SNX29: variants seen among roughly 807,000 people sequenced by gnomAD.
SNX29 encodes sorting nexin 29.
A neutral mutation model predicts 102.1 loss-of-function variants in SNX29; 78 were observed. The ratio of observed to expected loss-of-function variants is 0.76; its 90% CI spans 0.64 to 0.92. The LOEUF is 0.92. Among genes scored for constraint, SNX29 ranks in the 40% least tolerant of loss-of-function variants. SNX29 has a pLI of 0.00. For missense variants in SNX29, 1,280 were observed against 1,061.7 expected, an observed-to-expected ratio of 1.21 and a Z score of -2.86; for synonymous variants, 580 against 414.5, an observed-to-expected ratio of 1.40 and a Z score of -4.85.
intron 14 of SNX29, among the ~76,000 whole-genome samples, 184 bp from the exon 15 acceptor site, chr16:12,277,749 G>T (rs565720202): frequency 6.6e-6 from 1 of 152,040 alleles, no homozygotes; most frequent in African/African-American, 2.4e-5. Context: ...CTTGTCACTC[G>T]TTTTATTGTA....
rs1229348304 is a variant in SNX29, at chr16:12,563,236, CCAT to C, written c.2319-5264_2319-5262del. ...GGCTCATACCCTGAAAGTGGCCTCC[CCAT>C]CATCACTGACCCCGCCCAGGTAGCA... On this transcript the variant is annotated intron_variant, in intron 20 of 20. Coordinates refer to ENST00000566228, the MANE Select transcript of SNX29 (RefSeq NM_032167.5). Among the ~76,000 whole-genome samples the C allele has an allele frequency of 2.0e-4, 30 of 152,130 alleles. 1 individual carries two copies. The highest frequency in any genetic ancestry group is 6.3e-4 in the African/African-American group (26 of 41,418).
intron 18 of SNX29, among the ~76,000 whole-genome samples, chr16:12,458,875 C>G (rs1333674909): frequency 6.6e-6 from 1 of 152,226 alleles, no homozygotes; most frequent in African/African-American, 2.4e-5. Flanking sequence ...ATCAGATTCT[C>G]TGTTGGTCTC....
intron 13 of SNX29, among the ~76,000 whole-genome samples, chr16:12,178,804 G>C (rs956085088): frequency 1.3e-5 from 2 of 152,178 alleles, no homozygotes; most frequent in African/African-American, 4.8e-5. Context: ...GTGTGACTTG[G>C]AAGGAGCATA....
At chr16:12,157,098 A>T (rs1416536268) in intron 13 of SNX29, among the ~76,000 whole-genome samples, 5 of 152,156 alleles carry the variant, frequency 3.3e-5, no homozygotes, top group African/African-American at 7.2e-5. Flanking sequence ...ATTTCTTGAG[A>T]TGGCTGCAGG....
chr16:12,238,692 T>C (rs971820282), intron 14 of SNX29, among the ~76,000 whole-genome samples: 1 of 152,212 alleles, frequency 6.6e-6, no homozygotes, highest in Non-Finnish European at 1.5e-5. Context: ...ATGCCAATAA[T>C]AGTGTTACTG....
At chr16:11,992,525 A>G (rs963269573) in intron 1 of SNX29, among the ~76,000 whole-genome samples, 3 of 149,268 alleles carry the variant, frequency 2.0e-5, no homozygotes, top group African/African-American at 5.0e-5. Context: ...TTCTGTCTCT[A>G]TGAATTTACC....
chr16:12,183,104 A>G (rs113166960), intron 13 of SNX29, among the ~76,000 whole-genome samples: 16,662 of 152,062 alleles, frequency 0.11, 1,236 homozygotes, highest in Non-Finnish European at 0.17. Flanking sequence ...GGATCAAGCA[A>G]TCCTCCTGCC....
intron 9 of SNX29, among the ~76,000 whole-genome samples, chr16:12,067,721 C>G (rs913116566): frequency 9.9e-5 from 15 of 152,218 alleles, no homozygotes; most frequent in African/African-American, 3.6e-4. Context: ...CTCCTGACCT[C>G]AAGTAATCCA....
chr16:12,063,909 C>T (rs564177433), intron 9 of SNX29, among the ~76,000 whole-genome samples: 46 of 152,148 alleles, frequency 3.0e-4, no homozygotes, highest in Non-Finnish European at 5.3e-4. Flanking sequence ...GGTTGGTGAC[C>T]TTGCTGATGC....
intron 1 of SNX29, among the ~76,000 whole-genome samples, chr16:11,991,313 G>A (rs75150760): frequency 0.015 from 2,220 of 152,194 alleles, 37 homozygotes; most frequent in African/African-American, 0.049. Flanking sequence ...CAGGGTAAAG[G>A]AAATGAGAGC....
At chr16:12,448,256 C>T (rs998778222) in intron 18 of SNX29, among the ~76,000 whole-genome samples, 1 of 152,204 alleles carries the variant, frequency 6.6e-6, no homozygotes, top group African/African-American at 2.4e-5. Context: ...GACCACCTTT[C>T]CATGTCCTCC....
intron 14 of SNX29, among the ~76,000 whole-genome samples, chr16:12,253,516 C>T (rs778440687): frequency 3.3e-5 from 5 of 151,970 alleles, no homozygotes; most frequent in Non-Finnish European, 5.9e-5. Flanking sequence ...TTAAGTGAGT[C>T]GGGATGAACT....
Position 12,571,844 on chromosome 16 carries a change from C to T in SNX29, c.*3215C>T, listed in dbSNP as rs1404607096. 2.8e-6 allele frequency: 3 copies of T among 1,054,692 alleles called. No homozygotes were observed. The highest frequency in any genetic ancestry group is 1.6e-5 in the African/African-American group (1 of 60,706). The allele number at this position is 1,054,692 out of a possible 1,614,324, so 65.3% of individuals were successfully genotyped here. On this transcript the variant is annotated 3_prime_UTR_variant, in exon 21 of 21. Transcript: ENST00000566228. ...TTGATTCCCACTTAGCAGTATGCTC[C>T]AATCACGTTGCTGGCAAGGCATTTT... is the stretch of plus-strand genomic sequence containing the variant.
chr16:12,255,276 A>C (rs2078537137), intron 14 of SNX29, among the ~76,000 whole-genome samples: 1 of 151,924 alleles, frequency 6.6e-6, no homozygotes, highest in Non-Finnish European at 1.5e-5. Context: ...GCTCACTGCC[A>C]CCTCTGCTTC....
intron 20 of SNX29, among the ~76,000 whole-genome samples, chr16:12,540,218 C>A (rs112890184): frequency 0.014 from 2,188 of 152,232 alleles, 37 homozygotes; most frequent in South Asian, 0.077. Context: ...CAAGGTTAAC[C>A]TACTTCCTGT....
intron 16 of SNX29, among the ~76,000 whole-genome samples, chr16:12,368,775 G>T (rs140837848): frequency 1.3e-5 from 2 of 152,230 alleles, no homozygotes; most frequent in Non-Finnish European, 2.9e-5. Context: ...TGAGTTTGCC[G>T]CTCACAACGT....
chr16:12,364,186 A>ATGTTATGTTT (rs1262235014), intron 16 of SNX29, among the ~76,000 whole-genome samples: 1 of 150,714 alleles, frequency 6.6e-6, no homozygotes. Flanking sequence ...ATGTTATGTT[A>ATGTTATGTTT]TGTTATGTTA....
intron 13 of SNX29, among the ~76,000 whole-genome samples, chr16:12,158,701 C>T (rs1041041481): frequency 1.3e-5 from 2 of 152,246 alleles, no homozygotes; most frequent in African/African-American, 4.8e-5. Context: ...ATGCAACGTG[C>T]ACCGGAGACT....
chr16:12,511,778 C>G (rs1240468736), intron 19 of SNX29, among the ~76,000 whole-genome samples: 2 of 152,096 alleles, frequency 1.3e-5, no homozygotes, highest in African/African-American at 4.8e-5. Context: ...TCCCCCCTCC[C>G]CCGCAACTTT....
Sources: gnomAD v4.1 joint callset for allele counts (sites outside exome capture counted in the v4.1 genomes callset) on GRCh38, gnomAD v4.1.1 for gene constraint, MANE v1.5 for transcripts, NCBI Gene and HGNC (gene_info 2026-07-23, HGNC 2026-07-21) for gene names.